Variants in ATXN1 observed in about 807,000 individuals in gnomAD.
ATXN1 encodes ataxin-1.
Under a neutral mutation model 56.4 loss-of-function variants are expected in ATXN1, and 8 were observed. The ratio of observed to expected loss-of-function variants is 0.14; its 90% CI spans 0.08 to 0.26. The LOEUF (loss-of-function observed/expected upper bound fraction) is 0.26, where lower values mean the gene tolerates loss of function less well. Among genes scored for constraint, ATXN1 ranks in the 10% least tolerant of loss-of-function variants. ATXN1 has a pLI of 1.00. For synonymous variants in ATXN1, 514 were observed against 494.6 expected (o/e 1.04, Z -0.52); for missense variants, 987 against 1,106.5 (o/e 0.89, Z 1.53).
intron 6 of ATXN1, among the ~76,000 whole-genome samples, chr6:16,369,059 A>G (rs1324101723): frequency 6.6e-6 from 1 of 152,222 alleles, no homozygotes; most frequent in Non-Finnish European, 1.5e-5. Context: ...AATGGGGACC[A>G]ATAAATTAAC....
At chr6:16,715,110 C>T (rs968887783) in intron 2 of ATXN1, among the ~76,000 whole-genome samples, 1 of 152,154 alleles carries the variant, frequency 6.6e-6, no homozygotes, top group Non-Finnish European at 1.5e-5. Flanking sequence ...TCGTACAACT[C>T]TCCCTTTTGA....
chr6:16,559,472 A>G (rs1762075510), intron 4 of ATXN1, among the ~76,000 whole-genome samples: 2 of 152,192 alleles, frequency 1.3e-5, no homozygotes, highest in South Asian at 4.1e-4. Context: ...AGGCTGTTCT[A>G]TGTTCCGATA....
At chr6:16,453,461 A>AAAAAT (rs556906553) in intron 6 of ATXN1, among the ~76,000 whole-genome samples, 51 of 152,336 alleles carry the variant, frequency 3.3e-4, no homozygotes, top group Middle Eastern at 6.8e-3. Flanking sequence ...ACTCCGTCTC[A>AAAAAT]AAAATAAAAT....
At position 16,301,421 on chromosome 6, in the gene ATXN1, C is replaced by CACA; in HGVS notation, c.*4905_*4907dup. 6.5e-6 allele frequency: 1 copy of CACA among 152,684 alleles called. No individual in the cohort carries two copies. Among genetic ancestry groups the CACA allele is most frequent in the South Asian group, 2.1e-4 (1 of 4,828 alleles). 9.5% of individuals were successfully genotyped at this position (152,684 alleles called of 1,614,324 possible). On this transcript the variant is annotated 3_prime_UTR_variant, in exon 8 of 8. Coordinates refer to ENST00000436367, the MANE Select transcript of ATXN1 (RefSeq NM_001128164.2). ...GTTTGGAGTTTCCCTATGCCAGAAA[C>CACA]ACAACACTGTCCGTGGAAAAGAGAG...
chr6:16,495,928 A>G (rs1447412324), intron 5 of ATXN1, among the ~76,000 whole-genome samples: 1 of 152,110 alleles, frequency 6.6e-6, no homozygotes, highest in African/African-American at 2.4e-5. Context: ...AAGCTCAAAA[A>G]CAACAGAATT....
At chr6:16,424,084 G>C (rs1244455432) in intron 6 of ATXN1, among the ~76,000 whole-genome samples, 1 of 152,200 alleles carries the variant, frequency 6.6e-6, no homozygotes, top group Non-Finnish European at 1.5e-5. Flanking sequence ...GGAAGAACAG[G>C]TGTGAAAAGA....
chr6:16,415,450 G>C (rs763307168), intron 6 of ATXN1, among the ~76,000 whole-genome samples: 2 of 152,174 alleles, frequency 1.3e-5, no homozygotes, highest in African/African-American at 4.8e-5. Context: ...GGATGGTCTC[G>C]AACTCCTGAC....
At chr6:16,543,469 G>A (rs189937589) in intron 4 of ATXN1, among the ~76,000 whole-genome samples, 84 of 152,052 alleles carry the variant, frequency 5.5e-4, no homozygotes, top group African/African-American at 1.9e-3. Flanking sequence ...TAAAGGCAGG[G>A]CACATAAGAC....
intron 6 of ATXN1, among the ~76,000 whole-genome samples, chr6:16,364,323 G>T (rs179968): frequency 0.79 from 118,557 of 150,370 alleles, 46,854 homozygotes; most frequent in African/African-American, 0.88. Flanking sequence ...TTTTTTTTTT[G>T]GAGATGGAGG....
intron 2 of ATXN1, among the ~76,000 whole-genome samples, chr6:16,689,029 G>C (rs1015913550): frequency 6.7e-6 from 1 of 150,096 alleles, no homozygotes; most frequent in African/African-American, 2.5e-5. Context: ...TGTATATGCA[G>C]ATGTGTATAT....
chr6:16,747,133 CT>C (rs1450097678), intron 2 of ATXN1, among the ~76,000 whole-genome samples: 2 of 152,218 alleles, frequency 1.3e-5, no homozygotes, highest in African/African-American at 4.8e-5. Flanking sequence ...TATTAAATTC[CT>C]TTTTAATAAT....
intron 3 of ATXN1, among the ~76,000 whole-genome samples, chr6:16,623,616 C>A (rs1763357119): frequency 6.6e-6 from 1 of 152,182 alleles, no homozygotes; most frequent in Admixed American, 6.5e-5. Context: ...AGCAAACATG[C>A]TTACAAAAAT....
chr6:16,504,629 G>T (rs964551435), intron 5 of ATXN1, among the ~76,000 whole-genome samples: 7 of 152,144 alleles, frequency 4.6e-5, no homozygotes, highest in African/African-American at 1.7e-4. Context: ...AAAAAGCAAA[G>T]AAGGAAAAGG....
At chr6:16,485,748 G>A (rs912322782) in intron 6 of ATXN1, 2 of 152,170 alleles carry the variant, frequency 1.3e-5, no homozygotes, top group Non-Finnish European at 2.9e-5. Context: ...TAGATAGTTT[G>A]CAGCATGCCA....
Position 16,478,397 on chromosome 6 carries a change from C to T in ATXN1, c.-161+7575G>A, listed in dbSNP as rs577229026. ...TTAGGGAGGAAGGCTGTTCACAAGC[C>T]GAAGTATGACAGCCAGAAACAGGTA... On this transcript the variant is annotated intron_variant, in intron 6 of 7. Transcript: ENST00000436367. Among the ~76,000 whole-genome samples, 10 of 152,188 alleles carry T rather than the reference C, an allele frequency of 6.6e-5. 1 individual carries two copies. Among genetic ancestry groups the T allele is most frequent in the South Asian group, 6.2e-4 (3 of 4,818 alleles).
At chr6:16,759,492 A>T (rs1760991199) in intron 1 of ATXN1, among the ~76,000 whole-genome samples, 1 of 140,780 alleles carries the variant, frequency 7.1e-6, no homozygotes, top group Non-Finnish European at 1.5e-5. Flanking sequence ...CTTTCTTGTT[A>T]GCCACATCGC....
intron 5 of ATXN1, among the ~76,000 whole-genome samples, chr6:16,515,581 T>C (rs7769955): frequency 0.032 from 4,900 of 152,280 alleles, 252 homozygotes; most frequent in African/African-American, 0.11. Flanking sequence ...ACACATGTGG[T>C]GTGACCCCTA....
chr6:16,318,229 T>C (rs1421793013), intron 7 of ATXN1, among the ~76,000 whole-genome samples: 1 of 152,236 alleles, frequency 6.6e-6, no homozygotes, highest in Non-Finnish European at 1.5e-5. Context: ...TTTCACAAAT[T>C]GCGAAGGGCA....
intron 2 of ATXN1, among the ~76,000 whole-genome samples, chr6:16,674,967 A>G (rs1489812012): frequency 6.6e-6 from 1 of 152,202 alleles, no homozygotes; most frequent in Non-Finnish European, 1.5e-5. Flanking sequence ...TCAATTTCAA[A>G]ATAACAAAGC....
Sources: gnomAD v4.1 joint callset for allele counts (sites outside exome capture counted in the v4.1 genomes callset) on GRCh38, gnomAD v4.1.1 for gene constraint, MANE v1.5 for transcripts, NCBI Gene and HGNC (gene_info 2026-07-23, HGNC 2026-07-21) for gene names.